Variants in GATAD2A observed in about 807,000 individuals in gnomAD.
The protein encoded by GATAD2A is transcriptional repressor p66-alpha.
In GATAD2A, 12 loss-of-function variants were observed where a neutral mutation model predicts 68.5. That is an observed-to-expected ratio of 0.18 (90% CI 0.11 to 0.28). GATAD2A has a LOEUF of 0.28. GATAD2A is among the 10% of genes least tolerant of loss of function. GATAD2A has a pLI of 1.00. For synonymous variants in GATAD2A, 410 were observed against 375.3 expected (o/e 1.09, Z -1.07); for missense variants, 755 against 868.5 (o/e 0.87, Z 1.64).
intron 1 of GATAD2A, among the ~76,000 whole-genome samples, chr19:19,437,946 G>C (rs2054556880): frequency 6.6e-6 from 1 of 152,168 alleles, no homozygotes; most frequent in African/African-American, 2.4e-5. Context: ...ACTTAGGGGT[G>C]CAGTTACTGG....
intron 1 of GATAD2A, among the ~76,000 whole-genome samples, chr19:19,424,371 AGG>A (rs2052803544): frequency 2.0e-5 from 3 of 152,128 alleles, no homozygotes; most frequent in South Asian, 2.1e-4. Flanking sequence ...CTGTGACCAT[AGG>A]CATGAGCCAG....
intron 1 of GATAD2A, among the ~76,000 whole-genome samples, chr19:19,399,217 C>G (rs2049513241): frequency 6.6e-6 from 1 of 152,134 alleles, no homozygotes; most frequent in Non-Finnish European, 1.5e-5. Context: ...GAGCCAGGCT[C>G]CATCTCAAAC....
At chr19:19,465,294 T>G in intron 1 of GATAD2A, 46 bp from the exon 2 acceptor site, 1 of 1,470,314 alleles carries the variant, frequency 6.8e-7, no homozygotes, top group Non-Finnish European at 9.5e-7. Context: ...AGGTGGCACC[T>G]TCATTGCACC....
intron 1 of GATAD2A, among the ~76,000 whole-genome samples, chr19:19,457,824 A>T (rs904351231): frequency 3.3e-5 from 5 of 151,854 alleles, no homozygotes; most frequent in African/African-American, 9.7e-5. Context: ...GAGGCATGGT[A>T]GCCTGAGTTC....
chr19:19,486,491 G>A (rs1426580808), intron 2 of GATAD2A, among the ~76,000 whole-genome samples: 2 of 152,210 alleles, frequency 1.3e-5, no homozygotes, highest in African/African-American at 4.8e-5. Flanking sequence ...GATGTGGGCG[G>A]CTGGCTCTGA....
intron 1 of GATAD2A, among the ~76,000 whole-genome samples, chr19:19,459,659 A>G (rs1234201889): frequency 1.3e-5 from 2 of 152,198 alleles, no homozygotes; most frequent in Non-Finnish European, 2.9e-5. Flanking sequence ...TCTTTGATAA[A>G]CACTGTGGAA....
At chr19:19,429,197 T>C in intron 1 of GATAD2A, 2 of 985,224 alleles carry the variant, frequency 2.0e-6, no homozygotes, top group Non-Finnish European at 2.4e-6. Flanking sequence ...GGATGCTCGA[T>C]TTCAAGTAGC....
chr19:19,470,160 T>TA lies in GATAD2A; in HGVS notation c.269+4546_269+4547insA, dbSNP rs1318908511. Among the ~76,000 whole-genome samples, 14 of 148,328 alleles carry TA rather than the reference T, an allele frequency of 9.4e-5. No homozygotes were observed. In the East Asian group the frequency reaches 2.0e-3, roughly 21 times the overall value. On this transcript the variant is annotated intron_variant, in intron 2 of 11. Coordinates refer to ENST00000683918, the MANE Select transcript of GATAD2A (RefSeq NM_001384528.1). ...GCGACTTTATTTTTTTTTTTGTTTTTTTTTTTTTGAGACAGAGTCTCACTC... is the reference window on the plus strand; with the variant it reads ...GCGACTTTATTTTTTTTTTTGTTTTTATTTTTTTTGAGACAGAGTCTCACTC...
chr19:19,441,342 T>G (rs1002601964), intron 1 of GATAD2A, among the ~76,000 whole-genome samples: 1 of 152,110 alleles, frequency 6.6e-6, no homozygotes, highest in South Asian at 2.1e-4. Flanking sequence ...ACCAAAATTT[T>G]CCACACAAAA....
At position 19,507,764 on chromosome 19, in the gene GATAD2A, T is replaced by G. The variant is rs188557016; in HGVS notation, c.*2290T>G. On this transcript the variant is annotated 3_prime_UTR_variant, in exon 12 of 12. Coordinates refer to ENST00000683918, the MANE Select transcript of GATAD2A (RefSeq NM_001384528.1). ...TACTGTGATGTAAACTTTTTTTTTT[T>G]CCCCCCAGGGGGCAAAAGTGTGAGA... 1 of 145,970 alleles carries G rather than the reference T, an allele frequency of 6.9e-6. No homozygotes were observed. Among genetic ancestry groups the G allele is most frequent in the Non-Finnish European group, 1.5e-5 (1 of 66,444 alleles). 9.0% of individuals were successfully genotyped at this position (145,970 alleles called of 1,614,324 possible).
upstream of GATAD2A, among the ~76,000 whole-genome samples, chr19:19,404,863 G>C (rs1007006478): frequency 2.0e-5 from 3 of 152,048 alleles, no homozygotes; most frequent in Non-Finnish European, 4.4e-5. Flanking sequence ...GAAAAGAGGC[G>C]GTTTTGGGGA....
intron 1 of GATAD2A, among the ~76,000 whole-genome samples, chr19:19,421,815 T>TC (rs1174287435): frequency 1.2e-4 from 17 of 146,108 alleles, no homozygotes; most frequent in Non-Finnish European, 2.0e-4. Context: ...CTTCTCTCTC[T>TC]TTTTTTTTTT....
intron 1 of GATAD2A, chr19:19,440,673 G>C (rs1044902017): frequency 6.5e-6 from 1 of 152,904 alleles, no homozygotes; most frequent in Admixed American, 6.5e-5. Flanking sequence ...TCATGTACGT[G>C]CTTCACATAA....
At chr19:19,452,266 T>TCCC (rs2056471795) in intron 1 of GATAD2A, among the ~76,000 whole-genome samples, 2 of 152,294 alleles carry the variant, frequency 1.3e-5, no homozygotes, top group South Asian at 4.1e-4. Context: ...AGTCTTCTTG[T>TCCC]TGCCCTTGGC....
Position 19,506,460 on chromosome 19 carries a change from T to C in GATAD2A, c.*986T>C, listed in dbSNP as rs893359493. 2 of 228,278 alleles carry C rather than the reference T, an allele frequency of 8.8e-6. No homozygotes were observed. Among genetic ancestry groups the C allele is most frequent in the Admixed American group, 5.8e-5 (1 of 17,342 alleles). 14.1% of individuals were successfully genotyped at this position (228,278 alleles called of 1,614,324 possible). ...CAATCTTAAGCCACCCTGGCCTTGC[T>C]CCTGGGAGGTGAGCGTGCACAGGTG... is the stretch of plus-strand genomic sequence containing the variant. On this transcript the variant is annotated 3_prime_UTR_variant, in exon 12 of 12. Coordinates refer to ENST00000683918, the MANE Select transcript of GATAD2A (RefSeq NM_001384528.1).
Position 19,502,325 on chromosome 19 carries a change from C to T in GATAD2A, c.1579-6C>T, listed in dbSNP as rs1051983274. On this transcript the variant is annotated splice_polypyrimidine_tract_variant and splice_region_variant and intron_variant, in intron 10 of 11. Coordinates refer to ENST00000683918, the MANE Select transcript of GATAD2A (RefSeq NM_001384528.1). Reference sequence around the variant, plus strand: ...ATGAGCCGTCACCCCCCTTTCTCCACTGCAGGCCTCCAGCCAGCTGTCCCG... The same window carrying T: ...ATGAGCCGTCACCCCCCTTTCTCCATTGCAGGCCTCCAGCCAGCTGTCCCG... The T allele has an allele frequency of 6.2e-7, 1 of 1,604,044 alleles. No homozygotes were observed. The highest frequency in any genetic ancestry group is 2.2e-5 in the East Asian group (1 of 44,780).
At chr19:19,492,257 G>A (rs1225372217) in intron 2 of GATAD2A, 49 bp from the exon 3 acceptor site, 1 of 1,565,068 alleles carries the variant, frequency 6.4e-7, no homozygotes, top group Non-Finnish European at 8.7e-7. Context: ...GGTGGGCACT[G>A]GGTCCAGCTG....
chr19:19,430,999 G>GTGTGTC (rs998371106), intron 1 of GATAD2A, among the ~76,000 whole-genome samples: 4 of 151,372 alleles, frequency 2.6e-5, no homozygotes, highest in African/African-American at 9.7e-5. Flanking sequence ...GTGTGTGTGT[G>GTGTGTC]TGTGTGTGTG....
intron 4 of GATAD2A, 32 bp downstream of exon 4, chr19:19,492,744 A>G (rs1319599333): frequency 1.9e-6 from 3 of 1,611,832 alleles, no homozygotes; most frequent in Non-Finnish European, 2.5e-6. Flanking sequence ...TTCCTGGGCC[A>G]GCAGGAGCGC....
Sources: gnomAD v4.1 joint callset for allele counts (sites outside exome capture counted in the v4.1 genomes callset) on GRCh38, gnomAD v4.1.1 for gene constraint, MANE v1.5 for transcripts, NCBI Gene and HGNC (gene_info 2026-07-23, HGNC 2026-07-21) for gene names.